LYRM4: variants seen among roughly 807,000 people sequenced by gnomAD.
LYRM4 encodes the protein LYR motif containing 4.
Under a neutral mutation model 11.7 loss-of-function variants are expected in LYRM4, and 9 were observed. The ratio of observed to expected loss-of-function variants is 0.77; its 90% CI spans 0.46 to 1.34. LYRM4 has a LOEUF of 1.34. LYRM4 is among the 40% of genes most tolerant of loss of function. LYRM4 has a pLI of 0.00. For missense variants in LYRM4, 133 were observed against 112.5 expected, an observed-to-expected ratio of 1.18 and a Z score of -0.82; for synonymous variants, 42 against 40.4, an observed-to-expected ratio of 1.04 and a Z score of -0.15.
chr6:5,242,821 C>T (rs1000343777), intron 1 of LYRM4, among the ~76,000 whole-genome samples: 15 of 146,230 alleles, frequency 1.0e-4, no homozygotes, highest in South Asian at 6.5e-4. Flanking sequence ...GGCCGGACTG[C>T]GGACTGCAGT....
intron 2 of LYRM4, among the ~76,000 whole-genome samples, chr6:5,140,727 G>A (rs1757360172): frequency 6.6e-6 from 1 of 152,196 alleles, no homozygotes; most frequent in Non-Finnish European, 1.5e-5. Context: ...TGTTAAAAAT[G>A]TAACATACAT....
intron 2 of LYRM4, among the ~76,000 whole-genome samples, chr6:5,147,186 CA>C (rs1292131627): frequency 1.3e-5 from 2 of 152,024 alleles, no homozygotes; most frequent in Non-Finnish European, 2.9e-5. Context: ...TTTGAGTCCA[CA>C]AAAAAATTTT....
the LYRM4 span, among the ~76,000 whole-genome samples, chr6:5,045,132 A>G: frequency 6.6e-6 from 1 of 152,236 alleles, no homozygotes; most frequent in African/African-American, 2.4e-5. Context: ...GCTTGAATTG[A>G]AAGCAGGGTC....
At chr6:5,092,508 G>A in the LYRM4 span, among the ~76,000 whole-genome samples, 3 of 151,556 alleles carry the variant, frequency 2.0e-5, no homozygotes, top group Non-Finnish European at 4.4e-5. Context: ...TCAGGAGTTC[G>A]AGAACAGCTT....
chr6:5,260,499 G>T, intron 1 of LYRM4, 149 bp downstream of exon 1: 3 of 1,079,288 alleles, frequency 2.8e-6, no homozygotes, highest in Non-Finnish European at 3.9e-6. Context: ...GCAGGAGCAC[G>T]CTTTTCGATG....
chr6:5,221,782 T>C (rs910020168), intron 1 of LYRM4, among the ~76,000 whole-genome samples: 2 of 152,244 alleles, frequency 1.3e-5, no homozygotes, highest in African/African-American at 2.4e-5. Context: ...TGCAGTCAAC[T>C]GCCCAAGTCA....
intron 2 of LYRM4, among the ~76,000 whole-genome samples, chr6:5,179,900 G>C (rs1759969789): frequency 6.6e-6 from 1 of 152,154 alleles, no homozygotes; most frequent in Admixed American, 6.5e-5. Context: ...TTTAGACTAT[G>C]GCTCTGCTTA....
At chr6:5,046,807 C>A in the LYRM4 span, among the ~76,000 whole-genome samples, 1 of 152,110 alleles carries the variant, frequency 6.6e-6, no homozygotes, top group African/African-American at 2.4e-5. Flanking sequence ...ATAAGCCACA[C>A]GGTGGGGCAT....
chr6:5,156,589 C>T (rs1265117935), intron 2 of LYRM4, among the ~76,000 whole-genome samples: 5 of 152,326 alleles, frequency 3.3e-5, no homozygotes, highest in South Asian at 4.1e-4. Flanking sequence ...TGAAGGACTT[C>T]GAGTCTGGAT....
At chr6:5,077,406 C>T in the LYRM4 span, among the ~76,000 whole-genome samples, 1 of 152,152 alleles carries the variant, frequency 6.6e-6, no homozygotes, top group Non-Finnish European at 1.5e-5. Flanking sequence ...AGCTGAAAGA[C>T]GCTGGGGACA....
In LYRM4 at chr6:5,237,880, A is replaced by C. The variant is rs17139870; in HGVS notation, c.87-21142T>G. 6.3e-3 allele frequency among the ~76,000 whole-genome samples: 961 copies of C among 152,322 alleles called. 4 individuals are homozygous for C. The highest frequency in any genetic ancestry group is 0.022 in the African/African-American group (907 of 41,558). On this transcript the variant is annotated intron_variant, in intron 1 of 2. Transcript: ENST00000330636. Reference sequence around the variant, plus strand: ...GGATGCTGCCCTTCATTGAAAGAGCATAAGAGAATGTCTTCCGCTTTAGCA... The same window carrying C: ...GGATGCTGCCCTTCATTGAAAGAGCCTAAGAGAATGTCTTCCGCTTTAGCA...
chr6:5,138,621 T>C, intron 2 of LYRM4: 1 of 896,388 alleles, frequency 1.1e-6, no homozygotes, highest in Non-Finnish European at 1.6e-6. Flanking sequence ...GAAAACCTTA[T>C]ATACTATGAC....
chr6:5,066,849 G>T, the LYRM4 span: 1 of 847,034 alleles, frequency 1.2e-6, no homozygotes, highest in Non-Finnish European at 1.9e-6. Context: ...AGAGGAGTCA[G>T]ACAGGCCACG....
intron 2 of LYRM4, chr6:5,136,264 A>T (rs1757093031): frequency 1.0e-6 from 1 of 981,812 alleles, no homozygotes; most frequent in Non-Finnish European, 1.2e-6. Flanking sequence ...AAATGGAATC[A>T]CTAGATCATT....
At chr6:5,115,711 A>G (rs916390980) in intron 2 of LYRM4, among the ~76,000 whole-genome samples, 2 of 152,088 alleles carry the variant, frequency 1.3e-5, no homozygotes, top group Non-Finnish European at 2.9e-5. Flanking sequence ...ATCAAAACAA[A>G]CCAAATTTAT....
chr6:5,131,409 T>A (rs1048230370), intron 2 of LYRM4, among the ~76,000 whole-genome samples: 2 of 151,850 alleles, frequency 1.3e-5, no homozygotes, highest in Non-Finnish European at 2.9e-5. Context: ...ATGAAAAAAA[T>A]TTGTGTCTGG....
intron 2 of LYRM4, among the ~76,000 whole-genome samples, chr6:5,206,854 A>C (rs1761725458): frequency 6.6e-6 from 1 of 152,144 alleles, no homozygotes; most frequent in South Asian, 2.1e-4. Flanking sequence ...GCGCCTTTTC[A>C]GTATTCATAA....
At chr6:5,176,268 T>A (rs1327183239) in intron 2 of LYRM4, among the ~76,000 whole-genome samples, 1 of 152,072 alleles carries the variant, frequency 6.6e-6, no homozygotes, top group African/African-American at 2.4e-5. Context: ...TTTCACCATA[T>A]TAGCCAGGCT....
chr6:5,120,518 G>A (rs927823786), intron 2 of LYRM4, among the ~76,000 whole-genome samples: 2 of 152,216 alleles, frequency 1.3e-5, no homozygotes, highest in East Asian at 1.9e-4. Context: ...TTATTGTGGA[G>A]AGCGAAGGAA....
Sources: gnomAD v4.1 joint callset for allele counts (sites outside exome capture counted in the v4.1 genomes callset) on GRCh38, gnomAD v4.1.1 for gene constraint, MANE v1.5 for transcripts, NCBI Gene and HGNC (gene_info 2026-07-23, HGNC 2026-07-21) for gene names.